ASXL1: variants seen among roughly 807,000 people sequenced by gnomAD.
ASXL1 encodes ASXL transcriptional regulator 1.
ASXL1 carries 65 observed loss-of-function variants against 89.1 expected under a neutral mutation model. That is an observed-to-expected ratio of 0.73 (90% CI 0.60 to 0.90). The LOEUF (loss-of-function observed/expected upper bound fraction) is 0.90. ASXL1 is among the 40% of genes least tolerant of loss of function. ASXL1 has a pLI of 0.00. For missense variants in ASXL1, 1,786 were observed against 1,942.9 expected (o/e 0.92, Z 1.52); for synonymous variants, 739 against 746.9 (o/e 0.99, Z 0.17).
At position 32,435,833 on chromosome 20, in the gene ASXL1, G is replaced by A; in HGVS notation, c.3121G>A (p.Ala1041Thr). Residue 1041 changes from alanine to threonine, a missense_variant, in exon 13 of 13, where the codon GCC becomes ACC. Coordinates refer to ENST00000375687, the MANE Select transcript of ASXL1 (RefSeq NM_015338.6). ...KDEKPNWNQS[A>T]PLSKVNGDMR... The stretch of plus-strand genomic sequence containing the variant: ...TGAGAAACCCAATTGGAACCAATCT[G>A]CCCCACTGTCCAAGGTGAATGGTGA... The A allele has an allele frequency of 1.2e-6, 2 of 1,614,162 alleles. No homozygotes were observed. Among genetic ancestry groups the A allele is most frequent in the Non-Finnish European group, 1.7e-6 (2 of 1,180,026 alleles).
chr20:32,435,186 A>G lies in ASXL1; in HGVS notation c.2474A>G (p.Lys825Arg), dbSNP rs748929407. 6.2e-7 allele frequency: 1 copy of G among 1,613,910 alleles called. No homozygotes were observed. Among genetic ancestry groups the G allele is most frequent in the Non-Finnish European group, 8.5e-7 (1 of 1,180,012 alleles). ...PSLVGDDTLE[K>R]GTGQALDSHP... ...CTAGTGGGAGATGATACATTAGAGA[A>G]AGGAACTGGCCAAGCTCTTGACAGT... Residue 825 changes from lysine (K) to arginine (R), a missense_variant, in exon 13 of 13, where the codon AAA becomes AGA. Coordinates refer to ENST00000375687, the MANE Select transcript of ASXL1 (RefSeq NM_015338.6).
In ASXL1 at chr20:32,431,440, T is replaced by C. The variant is rs1268838941; in HGVS notation, c.838T>C (p.Phe280Leu). 3.1e-6 allele frequency: 5 copies of C among 1,614,180 alleles called. No homozygotes were observed. The highest frequency in any genetic ancestry group is 4.2e-6 in the Non-Finnish European group (5 of 1,180,022). ...GACCTTCCATGCCTTACCATCACAC[T>C]TCCAGCAGCAGCTCCTCTTCCTCCT... Reference protein sequence around the residue: ...SRTFHALPSHFQQQLLFLLPE... With the variant: ...SRTFHALPSHLQQQLLFLLPE... The change falls in exon 9 of 13, where the codon TTC (phenylalanine) becomes CTC (leucine). Residue 280 changes from phenylalanine to leucine, a missense_variant. Physicochemically the swap from Phe to Leu is conservative, Grantham distance 22. Around this residue, in one of 3 missense-constraint regions of ASXL1, gnomAD observed 332 missense variants for 449.7 expected, o/e 0.74. Coordinates refer to ENST00000375687, the MANE Select transcript of ASXL1 (RefSeq NM_015338.6).
chr20:32,436,260 A>C lies in ASXL1; in HGVS notation c.3548A>C (p.Glu1183Ala), dbSNP rs1160418769. Residue 1183 changes from glutamate to alanine, a missense_variant, in exon 13 of 13, where the codon GAA becomes GCA. Physicochemically the swap from Glu to Ala is moderately radical, Grantham distance 107. Coordinates refer to ENST00000375687, the MANE Select transcript of ASXL1 (RefSeq NM_015338.6). ...GAGCCTCTTCTGCCAGATAGCTGTG[A>C]AACAGGCACTGGTCTTGCCAGGATT... The part of the protein sequence containing the change: ...LKEPLLPDSC[E>A]TGTGLARIEA... The C allele has an allele frequency of 6.2e-7, 1 of 1,614,218 alleles. No homozygotes were observed. Among genetic ancestry groups the C allele is most frequent in the African/African-American group, 1.3e-5 (1 of 75,058 alleles).
Position 32,436,111 on chromosome 20 carries a change from C to T in ASXL1, c.3399C>T (p.Ser1133=). 2 of 1,614,164 alleles carry T rather than the reference C, an allele frequency of 1.2e-6. No homozygotes were observed. The highest frequency in any genetic ancestry group is 1.7e-6 in the Non-Finnish European group (2 of 1,180,034). The change falls in exon 13 of 13, where the codon TCC becomes TCT. Residue 1133 remains serine (S), a synonymous_variant. Coordinates refer to ENST00000375687, the MANE Select transcript of ASXL1 (RefSeq NM_015338.6). The part of the protein sequence containing the change: ...PPAHDDSMSE[S]PQVPLTKDQS... ...CCCACGATGACAGCATGTCAGAATC[C>T]CCACAAGTACCACTTACAAAAGACC...
At chr20:32,421,519 A>G (rs1478045207) in intron 4 of ASXL1, among the ~76,000 whole-genome samples, 1 of 150,246 alleles carries the variant, frequency 6.7e-6, no homozygotes, top group Non-Finnish European at 1.5e-5. Flanking sequence ...CTACTCCTAG[A>G]TAGTTATTCA....
At chr20:32,403,465 G>T (rs1253848681) in intron 4 of ASXL1, among the ~76,000 whole-genome samples, 1 of 151,984 alleles carries the variant, frequency 6.6e-6, no homozygotes, top group African/African-American at 2.4e-5. Context: ...CCCGGGCTGG[G>T]GTGTGGTGGT....
At chr20:32,396,623 C>T (rs983787561) in intron 4 of ASXL1, among the ~76,000 whole-genome samples, 2 of 152,192 alleles carry the variant, frequency 1.3e-5, no homozygotes, top group Admixed American at 6.5e-5. Flanking sequence ...GGTTCCCAGA[C>T]TTTTTCTGTC....
Position 32,435,697 on chromosome 20 carries a change from C to T in ASXL1, c.2985C>T (p.His995=), listed in dbSNP as rs62206933. The change falls in exon 13 of 13, where the codon CAC becomes CAT. Residue 995 remains histidine, a synonymous_variant. Transcript: ENST00000375687. The part of the protein sequence containing the change: ...INGDSEALSP[H]GESTDTASDF... ...GAGACTCTGAAGCACTGAGTCCTCACGGTGAGTCCACGGATACAGCCTCTG... is the reference window on the plus strand; with the variant it reads ...GAGACTCTGAAGCACTGAGTCCTCATGGTGAGTCCACGGATACAGCCTCTG... 18,883 of 1,614,160 alleles carry T rather than the reference C, an allele frequency of 0.012. 671 individuals are homozygous for T. The highest frequency in any genetic ancestry group is 0.11 in the Admixed American group (6,888 of 60,018).
chr20:32,437,121 G>A lies in ASXL1; in HGVS notation c.4409G>A (p.Ser1470Asn), dbSNP rs1426000456. 6.2e-7 allele frequency: 1 copy of A among 1,614,094 alleles called. No homozygotes were observed. Among genetic ancestry groups the A allele is most frequent in the African/African-American group, 1.3e-5 (1 of 74,940 alleles). ...ACCTTTCCCAAAGGCCTTGCTGGAA[G>A]TGTGGTGCAGCTGAGCCACAAAGCA... The part of the protein sequence containing the change: ...SPTFPKGLAG[S>N]VVQLSHKANF... The change falls in exon 13 of 13, where the codon AGT (serine) becomes AAT (asparagine). Residue 1470 changes from serine (S) to asparagine (N), a missense_variant. By Grantham distance (46) the Ser-to-Asn change is conservative. This residue lies in a region of ASXL1 where 1,418 missense variants were observed against 1,427.8 expected (regional missense o/e 0.99). Transcript: ENST00000375687.
intron 4 of ASXL1, among the ~76,000 whole-genome samples, chr20:32,404,315 T>C (rs1239230121): frequency 6.6e-6 from 1 of 152,214 alleles, no homozygotes; most frequent in African/African-American, 2.4e-5. Flanking sequence ...AGGTCATCTT[T>C]GGTATTTTTA....
At chr20:32,397,524 C>T (rs1215170497) in intron 4 of ASXL1, among the ~76,000 whole-genome samples, 3 of 149,930 alleles carry the variant, frequency 2.0e-5, no homozygotes, top group Admixed American at 6.7e-5. Flanking sequence ...CTCACCCTCC[C>T]GAGTAGCTGG....
chr20:32,429,340 G>A lies in ASXL1; in HGVS notation c.474G>A (p.Ala158=), dbSNP rs1475343959. ...PRDSYRASSQ[A]NKQKKKTGVM... ...TTTTGTTCTCTCTTGGAACGCAGGC[G>A]AACAAACAAAAGAAAAAGACTGGGG... is the stretch of plus-strand genomic sequence containing the variant. Residue 158 remains alanine (A), a splice_region_variant and synonymous_variant, in exon 7 of 13, where the codon GCG becomes GCA. Transcript: ENST00000375687. This position sits in a 1 kb window ranked among gnomAD's most constrained non-coding sequence, Gnocchi z 4.9. The A allele has an allele frequency of 1.4e-5, 23 of 1,613,992 alleles. No individual in the cohort carries two copies. The highest frequency in any genetic ancestry group is 3.3e-4 in the Middle Eastern group (2 of 6,054).
At chr20:32,370,663 C>T (rs1206386485) in intron 4 of ASXL1, among the ~76,000 whole-genome samples, 1 of 152,016 alleles carries the variant, frequency 6.6e-6, no homozygotes, top group Non-Finnish European at 1.5e-5. Context: ...AAATAAATAC[C>T]TGAACAAATA....
Position 32,435,001 on chromosome 20 carries a change from C to G in ASXL1, c.2289C>G (p.Pro763=), listed in dbSNP as rs138812579. ...GGGACCAGCCATGCCAGGCCTTGCC[C>G]CTACTGTCCTCCCAAACCTCAGTAG... ...PTGDQPCQAL[P]LLSSQTSVAE... Residue 763 remains proline, a synonymous_variant, in exon 13 of 13, where the codon CCC becomes CCG. Coordinates refer to ENST00000375687, the MANE Select transcript of ASXL1 (RefSeq NM_015338.6). 1.9e-5 allele frequency: 31 copies of G among 1,614,050 alleles called. No individual in the cohort carries two copies. Among genetic ancestry groups the G allele is most frequent in the South Asian group, 3.3e-5 (3 of 91,084 alleles).
chr20:32,397,935 C>T (rs372942059), intron 4 of ASXL1, among the ~76,000 whole-genome samples: 2 of 152,192 alleles, frequency 1.3e-5, no homozygotes, highest in Non-Finnish European at 2.9e-5. Flanking sequence ...TTACAGTACA[C>T]GGTCAGAATA....
intron 4 of ASXL1, among the ~76,000 whole-genome samples, chr20:32,426,541 C>CTTTTTTTTGTTTT (rs1014372390): frequency 1.1e-5 from 1 of 92,564 alleles, no homozygotes; most frequent in Non-Finnish European, 2.3e-5. Context: ...AAACTGTTTT[C>CTTTTTTTTGTTTT]TTTTTTTTCT....
At chr20:32,375,393 G>A (rs1309838615) in intron 4 of ASXL1, among the ~76,000 whole-genome samples, 1 of 151,330 alleles carries the variant, frequency 6.6e-6, no homozygotes, top group African/African-American at 2.4e-5. Flanking sequence ...AGGCTGCAGT[G>A]AGCCGAGATG....
At chr20:32,362,794 A>G (rs1019257986) in intron 1 of ASXL1, among the ~76,000 whole-genome samples, 1 of 152,232 alleles carries the variant, frequency 6.6e-6, no homozygotes, top group African/African-American at 2.4e-5. Context: ...ATTTTGTAGT[A>G]TTGTCTTTTC....
At chr20:32,420,414 T>G (rs919733342) in intron 4 of ASXL1, among the ~76,000 whole-genome samples, 1 of 152,224 alleles carries the variant, frequency 6.6e-6, no homozygotes, top group Admixed American at 6.5e-5. Context: ...ATTTGCCACA[T>G]TCGTAGTGTC....
Sources: gnomAD v4.1 joint callset for allele counts (sites outside exome capture counted in the v4.1 genomes callset) on GRCh38, gnomAD v4.1.1 for gene constraint, gnomAD v4.1.1 regional missense constraint, Gnocchi (gnomAD v3.1) non-coding constraint, MANE v1.5 for transcripts, NCBI Gene and HGNC (gene_info 2026-07-23, HGNC 2026-07-21) for gene names.